The following ZNF385D variants were observed in gnomAD, a reference collection of about 807,000 sequenced individuals.
ZNF385D encodes the protein zinc finger protein 659.
A neutral mutation model predicts 35.8 loss-of-function variants in ZNF385D; 15 were observed. That is an observed-to-expected ratio of 0.42 (90% CI 0.28 to 0.64). The LOEUF (loss-of-function observed/expected upper bound fraction) is 0.64, where lower values mean the gene tolerates loss of function less well. ZNF385D is among the 30% of genes least tolerant of loss of function. The probability of loss-of-function intolerance (pLI) is 0.23; values close to 1 mark genes in which losing one functional copy is unlikely to be tolerated. For missense variants in ZNF385D, 474 were observed against 494.6 expected, an observed-to-expected ratio of 0.96 and a Z score of 0.39; for synonymous variants, 212 against 186.8, an observed-to-expected ratio of 1.13 and a Z score of -1.10.
At chr3:21,707,480 C>A (rs1211023992) in intron 1 of ZNF385D, among the ~76,000 whole-genome samples, 1 of 152,166 alleles carries the variant, frequency 6.6e-6, no homozygotes, top group Non-Finnish European at 1.5e-5. Flanking sequence ...GAACCCCCAT[C>A]CTGATATCTC....
At chr3:22,133,631 T>G (rs1330697200) in intron 3 of ZNF385D, 1 of 151,986 alleles carries the variant, frequency 6.6e-6, no homozygotes, top group South Asian at 2.1e-4. Context: ...TGGGGGGAGA[T>G]ACTCTATTCT....
At position 22,119,133 on chromosome 3, in the gene ZNF385D, C is replaced by T. The variant is rs140468165; in HGVS notation, c.325+49684G>A. Reference sequence around the variant, plus strand: ...AGGGATAGGACGTCCTGTGGTGCTGCCAAGAATACCACCCGCCTGATGAAC... The same window carrying T: ...AGGGATAGGACGTCCTGTGGTGCTGTCAAGAATACCACCCGCCTGATGAAC... On this transcript the variant is annotated intron_variant, in intron 3 of 5. Transcript: ENST00000494108. Among the ~76,000 whole-genome samples, 586 of 152,208 alleles carry T rather than the reference C, an allele frequency of 3.8e-3. 12 individuals are homozygous for T. The highest frequency in any genetic ancestry group is 0.014 in the African/African-American group (562 of 41,544).
intron 3 of ZNF385D, among the ~76,000 whole-genome samples, chr3:21,548,996 A>T (rs1257601535): frequency 6.6e-6 from 1 of 152,232 alleles, no homozygotes; most frequent in African/African-American, 2.4e-5. Flanking sequence ...TGAGTTGTTC[A>T]TAATACTCTA....
rs259457 is a variant in ZNF385D, at chr3:22,043,718, A to C, written c.325+125099T>G. Among the ~76,000 whole-genome samples the C allele has an allele frequency of 8.4e-3, 1,276 of 151,866 alleles. 58 individuals are homozygous for C. In the East Asian group the frequency reaches 0.16, roughly 19 times the overall value. ...ACCTTGTTGCAGCCTCACCTCATTG[A>C]CTGTGGCTGGACCTAGAGATTTGCT... On this transcript the variant is annotated intron_variant, in intron 3 of 5. Transcript: ENST00000494108.
chr3:21,744,235 G>C (rs180720058), intron 1 of ZNF385D, among the ~76,000 whole-genome samples: 2 of 152,232 alleles, frequency 1.3e-5, no homozygotes, highest in Admixed American at 1.3e-4. Flanking sequence ...GATAAAAAAA[G>C]CAAAATGTTG....
chr3:21,571,419 A>C (rs1231213733), intron 2 of ZNF385D, among the ~76,000 whole-genome samples: 1 of 152,216 alleles, frequency 6.6e-6, no homozygotes, highest in African/African-American at 2.4e-5. Flanking sequence ...AATTCTAGGC[A>C]TGTGATTTGT....
At chr3:21,884,910 C>T (rs200242735) in intron 3 of ZNF385D, among the ~76,000 whole-genome samples, 57 of 151,506 alleles carry the variant, frequency 3.8e-4, no homozygotes, top group Non-Finnish European at 6.3e-4. Flanking sequence ...TTTATCTGCA[C>T]TTTTTTTTGT....
At position 21,598,190 on chromosome 3, in the gene ZNF385D, C is replaced by T. The variant is rs144782389; in HGVS notation, c.166-33506G>A. 3.7e-4 allele frequency among the ~76,000 whole-genome samples: 57 copies of T among 152,158 alleles called. No individual in the cohort carries two copies. In the South Asian group the frequency reaches 5.2e-3, roughly 14 times the overall value. Reference sequence around the variant, plus strand: ...CTGATGTTTTCATCATTTTCAAAGACGGTATCTATAAAGATATACTTAGCT... The same window carrying T: ...CTGATGTTTTCATCATTTTCAAAGATGGTATCTATAAAGATATACTTAGCT... On this transcript the variant is annotated intron_variant, in intron 2 of 7. Coordinates refer to ENST00000281523, the MANE Select transcript of ZNF385D (RefSeq NM_024697.3).
intron 2 of ZNF385D, among the ~76,000 whole-genome samples, chr3:22,290,834 T>TG (rs1289099710): frequency 6.6e-6 from 1 of 152,194 alleles, no homozygotes; most frequent in Non-Finnish European, 1.5e-5. Context: ...TCCATGTTGC[T>TG]GATGTCATCC....
intron 3 of ZNF385D, among the ~76,000 whole-genome samples, chr3:21,952,129 T>C (rs896120124): frequency 6.6e-6 from 1 of 152,046 alleles, no homozygotes; most frequent in Non-Finnish European, 1.5e-5. Flanking sequence ...TCAATTGTTA[T>C]ATGTGATGTA....
intron 3 of ZNF385D, among the ~76,000 whole-genome samples, chr3:22,147,412 A>C (rs62248894): frequency 0.18 from 27,245 of 152,136 alleles, 3,115 homozygotes; most frequent in Middle Eastern, 0.26. Flanking sequence ...CAGTTCCACG[A>C]ATGCTATCCT....
intron 3 of ZNF385D, among the ~76,000 whole-genome samples, chr3:21,900,744 A>G (rs1699364995): frequency 6.6e-6 from 1 of 152,202 alleles, no homozygotes; most frequent in Non-Finnish European, 1.5e-5. Flanking sequence ...TACACACGTT[A>G]AAAGAAAAAT....
At chr3:21,694,169 G>A (rs2067389372) in intron 1 of ZNF385D, among the ~76,000 whole-genome samples, 1 of 150,108 alleles carries the variant, frequency 6.7e-6, no homozygotes, top group Admixed American at 6.7e-5. Flanking sequence ...TCAGCCTCCC[G>A]AGTAGCTGGG....
chr3:21,674,935 C>CATGG (rs200072666), intron 1 of ZNF385D, among the ~76,000 whole-genome samples: 20,076 of 138,220 alleles, frequency 0.15, 1,475 homozygotes, highest in East Asian at 0.24. Context: ...TGGATGGATG[C>CATGG]ATGGATGGAT....
At chr3:22,220,926 T>C (rs910383842) in intron 2 of ZNF385D, among the ~76,000 whole-genome samples, 1 of 152,226 alleles carries the variant, frequency 6.6e-6, no homozygotes, top group Non-Finnish European at 1.5e-5. Flanking sequence ...AAAATGCTTT[T>C]CTTTTTTAAA....
chr3:21,733,812 T>A (rs922418822), intron 1 of ZNF385D, among the ~76,000 whole-genome samples: 2 of 152,184 alleles, frequency 1.3e-5, no homozygotes, highest in Non-Finnish European at 2.9e-5. Context: ...TAAATGTGTA[T>A]CCAGTTGTCC....
chr3:21,500,875 G>A (rs1402892415), intron 4 of ZNF385D, among the ~76,000 whole-genome samples: 2 of 152,136 alleles, frequency 1.3e-5, no homozygotes, highest in African/African-American at 2.4e-5. Context: ...GAGCCTGGTG[G>A]CAATCTTTGA....
At chr3:22,316,796 C>T (rs1467626899) in intron 2 of ZNF385D, among the ~76,000 whole-genome samples, 1 of 152,066 alleles carries the variant, frequency 6.6e-6, no homozygotes, top group East Asian at 1.9e-4. Flanking sequence ...AAGTTTTAGA[C>T]AAGGGAATAT....
intron 3 of ZNF385D, among the ~76,000 whole-genome samples, chr3:21,765,554 C>A (rs908541859): frequency 1.1e-4 from 17 of 151,692 alleles, no homozygotes; most frequent in African/African-American, 3.4e-4. Context: ...GGAGAAGGAA[C>A]GTGTCAATTG....
Sources: allele counts gnomAD v4.1 joint callset (sites outside exome capture counted in the v4.1 genomes callset), GRCh38; gene constraint gnomAD v4.1.1; transcripts MANE v1.5; gene names NCBI Gene and HGNC (gene_info 2026-07-23, HGNC 2026-07-21).